Variants in TCF12 observed in about 807,000 individuals in gnomAD.
The protein encoded by TCF12 is DNA-binding protein HTF4.
In TCF12, 45 loss-of-function variants were observed where a neutral mutation model predicts 86.0. The ratio of observed to expected loss-of-function variants is 0.52; its 90% CI spans 0.41 to 0.67. The LOEUF (loss-of-function observed/expected upper bound fraction) is 0.67. Ranked by LOEUF, TCF12 falls within the 30% of genes least tolerant of loss-of-function variation. The probability of loss-of-function intolerance (pLI) is 0.00; values close to 1 mark genes in which losing one functional copy is unlikely to be tolerated. For missense variants in TCF12, 881 were observed against 859.9 expected (o/e 1.02, Z -0.31); for synonymous variants, 330 against 299.6 (o/e 1.10, Z -1.05).
chr15:57,086,292 A>G (rs2048625583), intron 4 of TCF12, among the ~76,000 whole-genome samples: 1 of 151,110 alleles, frequency 6.6e-6, no homozygotes, highest in Non-Finnish European at 1.5e-5. Context: ...AACTTTTCCA[A>G]GTGCTACATA....
intron 4 of TCF12, among the ~76,000 whole-genome samples, chr15:57,077,255 TG>T (rs2070153382): frequency 3.9e-5 from 6 of 152,142 alleles, no homozygotes; most frequent in African/African-American, 1.4e-4. Context: ...CTTAACAGTG[TG>T]GAGGCTTTTG....
At chr15:56,927,574 T>C (rs1237463394) in intron 3 of TCF12, among the ~76,000 whole-genome samples, 1 of 152,232 alleles carries the variant, frequency 6.6e-6, no homozygotes, top group Non-Finnish European at 1.5e-5. Context: ...AACAAATCCA[T>C]TCTTTTATTA....
intron 5 of TCF12, among the ~76,000 whole-genome samples, chr15:57,113,030 CTG>C (rs1278207693): frequency 6.6e-6 from 1 of 152,206 alleles, no homozygotes; most frequent in African/African-American, 2.4e-5. Flanking sequence ...CATCATTGTT[CTG>C]TGTGTCCTAC....
At chr15:57,199,662 T>A (rs897080597) in intron 8 of TCF12, among the ~76,000 whole-genome samples, 1 of 152,204 alleles carries the variant, frequency 6.6e-6, no homozygotes, top group African/African-American at 2.4e-5. Context: ...CTCTGTATTG[T>A]CTCAGGTATC....
intron 3 of TCF12, among the ~76,000 whole-genome samples, chr15:57,062,806 A>G (rs1766424993): frequency 6.6e-6 from 1 of 152,198 alleles, no homozygotes; most frequent in South Asian, 2.1e-4. Flanking sequence ...TGTTCTCATG[A>G]AAGAATGAAA....
At chr15:56,991,433 T>C (rs2063453804) in intron 3 of TCF12, among the ~76,000 whole-genome samples, 1 of 152,220 alleles carries the variant, frequency 6.6e-6, no homozygotes, top group Non-Finnish European at 1.5e-5. Flanking sequence ...TGTGACCTTA[T>C]GTTATCTTCC....
At chr15:57,118,576 A>G (rs1447465644) in intron 5 of TCF12, 4 of 152,152 alleles carry the variant, frequency 2.6e-5, no homozygotes, top group Admixed American at 2.6e-4. Flanking sequence ...TTGCCTGTGG[A>G]AAAATTTTTA....
chr15:56,985,416 A>G (rs1274933805), intron 3 of TCF12, among the ~76,000 whole-genome samples: 2 of 152,224 alleles, frequency 1.3e-5, no homozygotes. Flanking sequence ...AATTTTGGCT[A>G]CTAAATTAGT....
intron 3 of TCF12, among the ~76,000 whole-genome samples, chr15:56,968,396 G>T (rs550550635): frequency 2.8e-5 from 4 of 140,358 alleles, no homozygotes; most frequent in Admixed American, 7.3e-5. Context: ...GGGTCTCACT[G>T]TGTTGCCCAG....
intron 3 of TCF12, among the ~76,000 whole-genome samples, chr15:56,964,954 C>T (rs1417563122): frequency 1.3e-5 from 2 of 152,110 alleles, no homozygotes; most frequent in African/African-American, 4.8e-5. Context: ...GTCCCAGAGC[C>T]AGTGATAATT....
intron 3 of TCF12, among the ~76,000 whole-genome samples, chr15:57,033,894 A>C (rs1818460958): frequency 6.6e-6 from 1 of 152,166 alleles, no homozygotes; most frequent in East Asian, 1.9e-4. Context: ...GGATATGATG[A>C]ATTGACATGT....
intron 14 of TCF12, among the ~76,000 whole-genome samples, chr15:57,251,904 T>G (rs2060133983): frequency 6.6e-6 from 1 of 152,142 alleles, no homozygotes; most frequent in Non-Finnish European, 1.5e-5. Flanking sequence ...TGTTTTCTTA[T>G]GGAAAAAAAA....
rs546627264 is a variant in TCF12, at chr15:57,287,691, A to G, written c.*1546A>G. On this transcript the variant is annotated 3_prime_UTR_variant, in exon 21 of 21. Coordinates refer to ENST00000333725, the MANE Select transcript of TCF12 (RefSeq NM_207037.2). ...CACAGAGGAAAGGACCCAAATCACTATGTAGCTTAAAGATTTCTGTTAATT... is the reference window on the plus strand; with the variant it reads ...CACAGAGGAAAGGACCCAAATCACTGTGTAGCTTAAAGATTTCTGTTAATT... The G allele has an allele frequency of 5.2e-5, 8 of 152,782 alleles. No homozygotes were observed. In the South Asian group the frequency reaches 1.4e-3, roughly 28 times the overall value. 9.5% of individuals were successfully genotyped at this position (152,782 alleles called of 1,614,324 possible). A position where few individuals can be genotyped will look rare whatever the true frequency, so the allele number is the denominator to read the frequency against.
At chr15:57,062,138 A>G (rs1398655517) in intron 3 of TCF12, among the ~76,000 whole-genome samples, 1 of 152,014 alleles carries the variant, frequency 6.6e-6, no homozygotes, top group Non-Finnish European at 1.5e-5. Context: ...TTGTATTTTT[A>G]GTAGAGACGG....
intron 3 of TCF12, among the ~76,000 whole-genome samples, chr15:56,922,297 G>A (rs746300979): frequency 2.6e-5 from 4 of 151,936 alleles, no homozygotes; most frequent in Non-Finnish European, 2.9e-5. Flanking sequence ...TTAAAAATGA[G>A]TCTTGATATT....
intron 3 of TCF12, among the ~76,000 whole-genome samples, chr15:57,038,501 T>A (rs956810550): frequency 1.3e-5 from 2 of 151,952 alleles, no homozygotes; most frequent in African/African-American, 2.4e-5. Flanking sequence ...GAAAAAAATA[T>A]CTGGGTACTA....
chr15:57,223,654 T>TTTGTTTTGTTTTTG (rs1248684058), intron 8 of TCF12, among the ~76,000 whole-genome samples: 4 of 129,964 alleles, frequency 3.1e-5, no homozygotes, highest in African/African-American at 5.4e-5. Context: ...TTTTTTTTTT[T>TTTGTTTTGTTTTTG]TTTTTTTTTT....
intron 3 of TCF12, among the ~76,000 whole-genome samples, chr15:57,055,564 T>C (rs943155671): frequency 2.0e-5 from 3 of 152,342 alleles, no homozygotes. Context: ...ATAGAATTGG[T>C]TGATAATTAT....
intron 5 of TCF12, among the ~76,000 whole-genome samples, chr15:57,101,485 C>T (rs1361168620): frequency 6.6e-6 from 1 of 152,224 alleles, no homozygotes; most frequent in Non-Finnish European, 1.5e-5. Flanking sequence ...GCTACGATTA[C>T]AAGCGTGAGC....
Sources: allele counts gnomAD v4.1 joint callset (sites outside exome capture counted in the v4.1 genomes callset), GRCh38; gene constraint gnomAD v4.1.1; transcripts MANE v1.5; gene names NCBI Gene and HGNC (gene_info 2026-07-23, HGNC 2026-07-21).